The following VPS13A variants were observed in gnomAD, a reference collection of about 807,000 sequenced individuals.
VPS13A encodes vacuolar protein sorting 13 homolog A.
In VPS13A, 264 loss-of-function variants were observed where a neutral mutation model predicts 390.9. That is an observed-to-expected ratio of 0.68 (90% CI 0.61 to 0.75). The LOEUF is 0.75. Ranked by LOEUF, VPS13A falls within the 30% of genes least tolerant of loss-of-function variation. The probability of loss-of-function intolerance (pLI) is 0.00; values close to 1 mark genes in which losing one functional copy is unlikely to be tolerated. For missense variants in VPS13A, 3,409 were observed against 3,733.9 expected (o/e 0.91, Z 2.27); for synonymous variants, 1,231 against 1,227.1 (o/e 1.00, Z -0.07).
intron 70 of VPS13A, 40 bp from the exon 71 acceptor site, chr9:77,407,493 C>A: frequency 6.5e-7 from 1 of 1,528,636 alleles, no homozygotes; most frequent in South Asian, 1.1e-5. Flanking sequence ...TTTTTACAAC[C>A]AGATTATCTT....
At chr9:77,349,383 A>G (rs1251566757) in intron 52 of VPS13A, among the ~76,000 whole-genome samples, 1 of 152,026 alleles carries the variant, frequency 6.6e-6, no homozygotes, top group African/African-American at 2.4e-5. Flanking sequence ...GGGTTTTGGT[A>G]TACAGATTGT....
chr9:77,181,247 G>A (rs1220613294), intron 1 of VPS13A, among the ~76,000 whole-genome samples: 1 of 151,982 alleles, frequency 6.6e-6, no homozygotes, highest in East Asian at 1.9e-4. Flanking sequence ...AGGTGGCCAG[G>A]CATAGTGGCT....
intron 52 of VPS13A, chr9:77,350,942 G>T: frequency 5.4e-6 from 1 of 186,662 alleles, no homozygotes; most frequent in Non-Finnish European, 1.1e-5. Context: ...TAGTTACTTT[G>T]TTTTTGCTCT....
chr9:77,282,328 C>T lies in VPS13A; in HGVS notation c.3118+54C>T, dbSNP rs1827082117. ...TTTTTTTTTTTTTAACCATGTAGGTCAATAAATCTAGACCCTGACTTTATT... is the reference window on the plus strand; with the variant it reads ...TTTTTTTTTTTTTAACCATGTAGGTTAATAAATCTAGACCCTGACTTTATT... On this transcript the variant is annotated intron_variant, in intron 29 of 71. Transcript: ENST00000360280. 12 of 1,495,586 alleles carry T rather than the reference C, an allele frequency of 8.0e-6. No homozygotes were observed. In the Admixed American group the frequency reaches 1.9e-4, roughly 23 times the overall value. 92.6% of individuals were successfully genotyped at this position (1,495,586 alleles called of 1,614,324 possible).
chr9:77,390,986 A>G (rs1833875704), intron 68 of VPS13A, among the ~76,000 whole-genome samples: 1 of 152,212 alleles, frequency 6.6e-6, no homozygotes, highest in Non-Finnish European at 1.5e-5. Flanking sequence ...AATACATTAT[A>G]ACATTAAAAG....
At chr9:77,302,565 G>C (rs1002598836) in intron 33 of VPS13A, among the ~76,000 whole-genome samples, 1 of 148,350 alleles carries the variant, frequency 6.7e-6, no homozygotes. Flanking sequence ...TAGAGATGGG[G>C]TTTCACCATG....
In VPS13A at chr9:77,264,089, A is replaced by G. The variant is rs538963786; in HGVS notation, c.2427+3865A>G. Among the ~76,000 whole-genome samples the G allele has an allele frequency of 1.9e-3, 285 of 152,262 alleles. 1 individual carries two copies. Among genetic ancestry groups the G allele is most frequent in the African/African-American group, 6.3e-3 (263 of 41,544 alleles). ...TGCTTGTTTTTGTCAGATTTGTCAA[A>G]GATCAGATGGTTCTAGATGTGTGGT... On this transcript the variant is annotated intron_variant, in intron 23 of 71. Coordinates refer to ENST00000360280, the MANE Select transcript of VPS13A (RefSeq NM_033305.3).
At chr9:77,351,295 C>T (rs371543517) in intron 52 of VPS13A, 22 bp from the exon 53 acceptor site, 58 of 1,610,870 alleles carry the variant, frequency 3.6e-5, no homozygotes, top group African/African-American at 2.8e-4. Flanking sequence ...TAATTTAACG[C>T]GTATTTTTGC....
rs769890530 is a variant in VPS13A, at chr9:77,323,214, G to A, written c.5978G>A (p.Arg1993His). Residue 1993 changes from arginine (R) to histidine (H), a missense_variant, in exon 45 of 72, where the codon CGC (arginine) becomes CAC (histidine). Transcript: ENST00000360280. ...GAAGGAAGTAAGAAGGTCACAATTC[G>A]CTCCCCAGTGCAGGTATGAAATGAT... ...TVEGSKKVTI[R>H]SPVQIRNHFS... The A allele has an allele frequency of 2.9e-5, 47 of 1,612,894 alleles. No homozygotes were observed. Among genetic ancestry groups the A allele is most frequent in the South Asian group, 2.6e-4 (24 of 91,060 alleles).
At chr9:77,196,745 C>T (rs1189394319) in intron 1 of VPS13A, among the ~76,000 whole-genome samples, 4 of 151,736 alleles carry the variant, frequency 2.6e-5, no homozygotes, top group Non-Finnish European at 5.9e-5. Flanking sequence ...AGCAGTGCAT[C>T]TGTTTGTAGA....
rs571472996 is a variant in VPS13A, at chr9:77,415,831, G to C, written c.9475-125G>C. 4.1e-5 allele frequency: 43 copies of C among 1,051,124 alleles called. 1 individual carries two copies. The African/African-American group carries it at 5.8e-4, about 14-fold the overall frequency. The allele number at this position is 1,051,124 out of a possible 1,614,324, so 65.1% of individuals were successfully genotyped here. On this transcript the variant is annotated intron_variant, in intron 71 of 71. Transcript: ENST00000360280. ...ATCTCTTTTGCAGGATGAATTTTATGTATTGGCTGTCAGTATTACACCTAA... is the reference window on the plus strand; with the variant it reads ...ATCTCTTTTGCAGGATGAATTTTATCTATTGGCTGTCAGTATTACACCTAA...
At position 77,187,632 on chromosome 9, in the gene VPS13A, CACAAT is replaced by C. The variant is rs529188076; in HGVS notation, c.100+9829_100+9833del. On this transcript the variant is annotated intron_variant, in intron 1 of 71. Coordinates refer to ENST00000360280, the MANE Select transcript of VPS13A (RefSeq NM_033305.3). ...ATACACACACACACACACACACACA[CACAAT>C]GTTAGCTGCTTATCAGATATATGAT... Among the ~76,000 whole-genome samples, 1,281 of 151,978 alleles carry C rather than the reference CACAAT, an allele frequency of 8.4e-3. 9 individuals carry two copies. Among genetic ancestry groups the C allele is most frequent in the South Asian group, 0.014 (66 of 4,802 alleles).
At chr9:77,222,724 T>A (rs1472404625) in intron 13 of VPS13A, among the ~76,000 whole-genome samples, 1 of 152,208 alleles carries the variant, frequency 6.6e-6, no homozygotes, top group Non-Finnish European at 1.5e-5. Context: ...TGATCTTTGC[T>A]GTTACTGTTG....
At chr9:77,215,627 A>G (rs1217937121) in intron 10 of VPS13A, among the ~76,000 whole-genome samples, 1 of 152,206 alleles carries the variant, frequency 6.6e-6, no homozygotes, top group Non-Finnish European at 1.5e-5. Flanking sequence ...GTAACAAGGG[A>G]CTGTCTCATA....
chr9:77,214,336 T>A lies in VPS13A; in HGVS notation c.704T>A (p.Leu235Ter). ...LSDYDNSLDD[L>*]KNGIVNENIV... Reference sequence around the variant, plus strand: ...CAATTTGTCTTTTAATAGGACGACTTGAAGAATGGCATTGTCAATGAAAAT... The same window carrying A: ...CAATTTGTCTTTTAATAGGACGACTAGAAGAATGGCATTGTCAATGAAAAT... The change falls in exon 10 of 72, where the codon TTG (leucine) becomes TAG (stop). Residue 235 changes from leucine to a stop codon, truncating the protein, a stop_gained. Coordinates refer to ENST00000360280, the MANE Select transcript of VPS13A (RefSeq NM_033305.3). LOFTEE classifies it high-confidence loss of function. 6.2e-7 allele frequency: 1 copy of A among 1,612,892 alleles called. No individual in the cohort carries two copies. Among genetic ancestry groups the A allele is most frequent in the Non-Finnish European group, 8.5e-7 (1 of 1,179,148 alleles).
At position 77,337,430 on chromosome 9, in the gene VPS13A, C is replaced by G; in HGVS notation, c.6271C>G (p.Leu2091Val). ...TCCAGAAAAAGATAATTTAACATCT[C>G]TATCAGTGTATTCAGAAGATGGTTG... ...IVPEKDNLTS[L>V]SVYSEDGWDL... Residue 2091 changes from leucine to valine, a missense_variant, in exon 47 of 72, where the codon CTA becomes GTA. By Grantham distance (32) the Leu-to-Val change is conservative. Coordinates refer to ENST00000360280, the MANE Select transcript of VPS13A (RefSeq NM_033305.3). 6.2e-7 allele frequency: 1 copy of G among 1,612,934 alleles called. No homozygotes were observed. Among genetic ancestry groups the G allele is most frequent in the Non-Finnish European group, 8.5e-7 (1 of 1,179,112 alleles).
chr9:77,359,526 C>A, intron 58 of VPS13A, 124 bp downstream of exon 58: 1 of 949,864 alleles, frequency 1.1e-6, no homozygotes, highest in Admixed American at 2.3e-5. Context: ...TTATAAACGT[C>A]AAATAAAAAA....
rs965484456 is a variant in VPS13A, at chr9:77,177,588, C to G, written c.-117C>G. The G allele has an allele frequency of 1.1e-4, 107 of 937,192 alleles. No individual in the cohort carries two copies. The highest frequency in any genetic ancestry group is 1.0e-3 in the East Asian group (38 of 37,580). The allele number at this position is 937,192 out of a possible 1,614,324, so 58.1% of individuals were successfully genotyped here. On this transcript the variant is annotated 5_prime_UTR_variant, in exon 1 of 72. Coordinates refer to ENST00000360280, the MANE Select transcript of VPS13A (RefSeq NM_033305.3). ...CTGCGCGTTGGGCCAGCGGGGGCGC[C>G]GCAGCTGAAGCCGCCCCGGAGCCGG... is the stretch of plus-strand genomic sequence containing the variant.
At chr9:77,183,110 CTA>C (rs1824122110) in intron 1 of VPS13A, among the ~76,000 whole-genome samples, 1 of 152,106 alleles carries the variant, frequency 6.6e-6, no homozygotes, top group Admixed American at 6.5e-5. Flanking sequence ...ACTTTAAAGA[CTA>C]TGAAACATTT....
Sources: allele counts gnomAD v4.1 joint callset (sites outside exome capture counted in the v4.1 genomes callset), GRCh38; gene constraint gnomAD v4.1.1; transcripts MANE v1.5; gene names NCBI Gene and HGNC (gene_info 2026-07-23, HGNC 2026-07-21).